The following TBC1D12 variants were observed in gnomAD, a reference collection of about 807,000 sequenced individuals.
TBC1D12 encodes TBC1 domain family, member 12.
A neutral mutation model predicts 86.7 loss-of-function variants in TBC1D12; 56 were observed. The observed-to-expected ratio is 0.65, with a 90% CI of 0.52 to 0.81. TBC1D12 has a LOEUF of 0.81. Ranked by LOEUF, TBC1D12 falls within the 30% of genes least tolerant of loss-of-function variation. The pLI is 0.00. For synonymous variants in TBC1D12, 421 were observed against 411.7 expected (o/e 1.02, Z -0.27); for missense variants, 1,023 against 1,038.8 (o/e 0.98, Z 0.21).
chr10:94,459,555 G>A (rs568266120), intron 2 of TBC1D12, among the ~76,000 whole-genome samples: 8 of 152,360 alleles, frequency 5.3e-5, no homozygotes, highest in Admixed American at 2.0e-4. Context: ...GGCGGTGCCC[G>A]TCGGGGAGGC....
At position 94,522,336 on chromosome 10, in the gene TBC1D12, A is replaced by G. The variant is rs1260076684; in HGVS notation, c.1891-8A>G. On this transcript the variant is annotated splice_region_variant and splice_polypyrimidine_tract_variant and intron_variant, in intron 10 of 12. Transcript: ENST00000225235. ...CTTTCATAATTTTATTGATTTTTTA[A>G]TCTTTAGATGTTGAAATATTTTGCA... 1 of 1,318,294 alleles carries G rather than the reference A, an allele frequency of 7.6e-7. No individual in the cohort carries two copies. Among genetic ancestry groups the G allele is most frequent in the Admixed American group, 2.5e-5 (1 of 40,238 alleles). 81.7% of individuals were successfully genotyped at this position (1,318,294 alleles called of 1,614,324 possible).
rs191309653 is a variant in TBC1D12 at position 94,454,274 on chromosome 10, T to G, written c.1095+12255T>G. ...TTTGCTCTTGTTGCCCAGGCTGGAG[T>G]GCAGTGGCGCCACCACAACCTCCAC... On this transcript the variant is annotated intron_variant, in intron 2 of 12. Transcript: ENST00000225235. Among the ~76,000 whole-genome samples the G allele has an allele frequency of 5.2e-3, 796 of 152,208 alleles. 2 individuals carry two copies. Among genetic ancestry groups the G allele is most frequent in the Non-Finnish European group, 6.6e-3 (448 of 68,002 alleles).
chr10:94,465,873 C>T (rs1221074688), intron 2 of TBC1D12, among the ~76,000 whole-genome samples: 1 of 150,672 alleles, frequency 6.6e-6, no homozygotes, highest in Non-Finnish European at 1.5e-5. Flanking sequence ...CATATATACA[C>T]ATACATGTAT....
intron 9 of TBC1D12, among the ~76,000 whole-genome samples, chr10:94,514,914 T>C (rs891724868): frequency 2.7e-4 from 40 of 146,726 alleles, no homozygotes; most frequent in Middle Eastern, 3.4e-3. Context: ...TTTCTTTTTT[T>C]TTTTTTTTTT....
At chr10:94,469,504 A>G (rs1589639098) in intron 2 of TBC1D12, among the ~76,000 whole-genome samples, 1 of 133,098 alleles carries the variant, frequency 7.5e-6, no homozygotes, top group East Asian at 2.5e-4. Flanking sequence ...GCTGGAGTGC[A>G]GTGGGGTGAT....
intron 11 of TBC1D12, among the ~76,000 whole-genome samples, chr10:94,524,630 T>C (rs1485860349): frequency 2.6e-5 from 4 of 151,510 alleles, no homozygotes; most frequent in Non-Finnish European, 4.4e-5. Context: ...TCCCAGCTAC[T>C]TGGGAGGCTG....
intron 11 of TBC1D12, among the ~76,000 whole-genome samples, chr10:94,523,210 AAAAAAAAG>A (rs1337953633): frequency 1.3e-3 from 200 of 150,192 alleles, no homozygotes; most frequent in African/African-American, 4.7e-3. Context: ...AAAAAAAAAA[AAAAAAAAG>A]AGCATAGACT....
At chr10:94,421,687 G>A (rs2134063019) in intron 1 of TBC1D12, among the ~76,000 whole-genome samples, 1 of 152,102 alleles carries the variant, frequency 6.6e-6, no homozygotes, top group East Asian at 1.9e-4. Flanking sequence ...CTATGTTCTT[G>A]TTATTTTCTT....
chr10:94,468,916 C>T (rs1349654859), intron 2 of TBC1D12, among the ~76,000 whole-genome samples: 1 of 152,088 alleles, frequency 6.6e-6, no homozygotes, highest in Non-Finnish European at 1.5e-5. Flanking sequence ...AACAGTGCTA[C>T]AGTTGTTAAT....
In TBC1D12 at chr10:94,476,608, G is replaced by A. The variant is rs116005705; in HGVS notation, c.1211+1825G>A. ...TTTGCAGCTGTCAGCTGAGTACGTA[G>A]ATAAGTTCCCAGAAGAGCTTGCTTA... On this transcript the variant is annotated intron_variant, in intron 3 of 12. Transcript: ENST00000225235. Among the ~76,000 whole-genome samples the A allele has an allele frequency of 3.2e-3, 485 of 152,280 alleles. 1 individual carries two copies. The highest frequency in any genetic ancestry group is 0.011 in the African/African-American group (468 of 41,558).
chr10:94,453,071 A>G (rs2055575692), intron 2 of TBC1D12, among the ~76,000 whole-genome samples: 1 of 152,198 alleles, frequency 6.6e-6, no homozygotes, highest in African/African-American at 2.4e-5. Context: ...TGCCATCTGT[A>G]TATCTTCTCT....
At chr10:94,447,378 G>A (rs535547498) in intron 2 of TBC1D12, among the ~76,000 whole-genome samples, 1 of 151,980 alleles carries the variant, frequency 6.6e-6, no homozygotes, top group South Asian at 2.1e-4. Context: ...TTTTGTACCT[G>A]TATCTTTTCA....
At chr10:94,459,512 A>G (rs997794208) in intron 2 of TBC1D12, among the ~76,000 whole-genome samples, 3 of 152,182 alleles carry the variant, frequency 2.0e-5, no homozygotes, top group Non-Finnish European at 4.4e-5. Flanking sequence ...CAGCCCTTGG[A>G]TGGTAGATGG....
rs1007532066 is a variant in TBC1D12, at chr10:94,520,837, T to A, written c.1762-1118T>A. ...ACCACGCCCGGTTAATTTTTTGTATTTTTAGTAGAGACAGGGTTTCACCAT... is the reference window on the plus strand; with the variant it reads ...ACCACGCCCGGTTAATTTTTTGTATATTTAGTAGAGACAGGGTTTCACCAT... On this transcript the variant is annotated intron_variant, in intron 9 of 12. Coordinates refer to ENST00000225235, the MANE Select transcript of TBC1D12 (RefSeq NM_015188.2). Among the ~76,000 whole-genome samples the A allele has an allele frequency of 2.6e-4, 39 of 152,032 alleles. 1 individual carries two copies. The highest frequency in any genetic ancestry group is 3.5e-4 in the Non-Finnish European group (24 of 67,978).
rs373635691 is a variant in TBC1D12 at position 94,531,859 on chromosome 10, T to A, written c.2259+399T>A. Among the ~76,000 whole-genome samples the A allele has an allele frequency of 2.6e-5, 2 of 77,698 alleles. 1 individual carries two copies. Among genetic ancestry groups the A allele is most frequent in the Non-Finnish European group, 5.0e-5 (2 of 39,880 alleles). 51.0% of individuals were successfully genotyped at this position (77,698 alleles called of 152,430 possible). A position where few individuals can be genotyped will look rare whatever the true frequency, so the allele number is the denominator to read the frequency against. On this transcript the variant is annotated intron_variant, in intron 12 of 12. Transcript: ENST00000225235. ...GTTATTTTATTTTATGTTATTTTAT[T>A]TTATATGTTATGTTATGTTATGTTA...
chr10:94,423,410 C>T (rs1266275026), intron 1 of TBC1D12, among the ~76,000 whole-genome samples: 5 of 143,704 alleles, frequency 3.5e-5, no homozygotes, highest in Admixed American at 1.5e-4. Context: ...TGCAGTGGCA[C>T]GATCTTGGCT....
chr10:94,510,996 C>T (rs915995491), intron 8 of TBC1D12, among the ~76,000 whole-genome samples: 1 of 151,460 alleles, frequency 6.6e-6, no homozygotes, highest in Non-Finnish European at 1.5e-5. Context: ...TATACCAAAT[C>T]TAGAAGATTT....
rs1301758685 is a variant in TBC1D12 at position 94,531,434 on chromosome 10, C to A, written c.2233C>A (p.Gln745Lys). ...CAGTTGTATTGCAGCCATTCAGATG[C>A]AGAATAGCACCAAAAAATGGACTCA... is the stretch of plus-strand genomic sequence containing the variant. Reference protein sequence around the residue: ...LFSCIAAIQMQNSTKKWTQVF... With the variant: ...LFSCIAAIQMKNSTKKWTQVF... The change falls in exon 12 of 13, where the codon CAG becomes AAG. Residue 745 changes from glutamine (Q) to lysine (K), a missense_variant. Around this residue, in one of 2 missense-constraint regions of TBC1D12, gnomAD observed 395 missense variants for 507.7 expected, o/e 0.78. Transcript: ENST00000225235. 6.2e-7 allele frequency: 1 copy of A among 1,613,328 alleles called. No homozygotes were observed. The highest frequency in any genetic ancestry group is 2.2e-5 in the East Asian group (1 of 44,844).
At chr10:94,488,749 A>G (rs2056205641) in intron 3 of TBC1D12, among the ~76,000 whole-genome samples, 1 of 151,714 alleles carries the variant, frequency 6.6e-6, no homozygotes. Context: ...TCTTTCTTTC[A>G]AGGCAGCAGG....
Sources: gnomAD v4.1 joint callset for allele counts (sites outside exome capture counted in the v4.1 genomes callset) on GRCh38, gnomAD v4.1.1 for gene constraint, gnomAD v4.1.1 regional missense constraint, MANE v1.5 for transcripts, NCBI Gene and HGNC (gene_info 2026-07-23, HGNC 2026-07-21) for gene names.